The following ROR1 variants were observed in gnomAD, a reference collection of about 807,000 sequenced individuals.
The protein encoded by ROR1 is inactive tyrosine-protein kinase transmembrane receptor ROR1.
ROR1 carries 19 observed loss-of-function variants against 78.8 expected under a neutral mutation model. The ratio of observed to expected loss-of-function variants is 0.24; its 90% CI spans 0.17 to 0.35. The LOEUF (loss-of-function observed/expected upper bound fraction) is 0.35. Ranked by LOEUF, ROR1 falls within the 10% of genes least tolerant of loss-of-function variation. The pLI, the probability that ROR1 is intolerant of heterozygous loss-of-function variation, is 1.00. For synonymous variants in ROR1, 386 were observed against 433.6 expected, an observed-to-expected ratio of 0.89 and a Z score of 1.36; for missense variants, 917 against 1,177.8, an observed-to-expected ratio of 0.78 and a Z score of 3.24.
intron 2 of ROR1, among the ~76,000 whole-genome samples, chr1:64,024,010 C>T (rs768286219): frequency 2.0e-5 from 3 of 152,192 alleles, no homozygotes; most frequent in Non-Finnish European, 2.9e-5. Flanking sequence ...CAGTTCCTCT[C>T]TCTCTTTCTC....
At chr1:64,096,668 A>G (rs184203981) in intron 4 of ROR1, among the ~76,000 whole-genome samples, 86 of 152,204 alleles carry the variant, frequency 5.7e-4, no homozygotes, top group African/African-American at 1.9e-3. Flanking sequence ...GGTTGATTCC[A>G]TGACTTTGCT....
intron 6 of ROR1, among the ~76,000 whole-genome samples, chr1:64,140,817 C>T (rs1046570269): frequency 2.6e-5 from 4 of 152,046 alleles, no homozygotes; most frequent in East Asian, 3.9e-4. Context: ...AGTAGAGGAG[C>T]GGTTAAACAA....
At chr1:64,062,104 C>T (rs559908069) in intron 4 of ROR1, among the ~76,000 whole-genome samples, 29 of 152,252 alleles carry the variant, frequency 1.9e-4, no homozygotes, top group African/African-American at 2.2e-4. Flanking sequence ...GAAGTTACTG[C>T]TCCTTTTGCT....
chr1:63,951,624 A>G lies in ROR1; in HGVS notation c.92-57681A>G, dbSNP rs530661759. ...GATTTCCCAGGGAGCCATGAAGATG[A>G]CGTTCTGGGCTCCACCCTTTATGCC... On this transcript the variant is annotated intron_variant, in intron 1 of 8. Coordinates refer to ENST00000371079, the MANE Select transcript of ROR1 (RefSeq NM_005012.4). Among the ~76,000 whole-genome samples, 3 of 152,222 alleles carry G rather than the reference A, an allele frequency of 2.0e-5. No individual in the cohort carries two copies. In the East Asian group the frequency reaches 5.8e-4, roughly 29 times the overall value.
At chr1:64,097,445 G>A (rs1449101066) in intron 4 of ROR1, among the ~76,000 whole-genome samples, 1 of 152,000 alleles carries the variant, frequency 6.6e-6, no homozygotes, top group Non-Finnish European at 1.5e-5. Flanking sequence ...ATTCCCACTT[G>A]CCATGTAACA....
intron 4 of ROR1, among the ~76,000 whole-genome samples, chr1:64,076,034 C>G (rs1647047934): frequency 6.6e-6 from 1 of 152,206 alleles, no homozygotes; most frequent in African/African-American, 2.4e-5. Flanking sequence ...TGTGGGTCTT[C>G]CTGTCAGCTC....
chr1:64,105,084 T>A (rs748212857), intron 4 of ROR1, among the ~76,000 whole-genome samples: 1 of 152,244 alleles, frequency 6.6e-6, no homozygotes, highest in African/African-American at 2.4e-5. Context: ...ATTAACAGTA[T>A]AAAAGTGTTC....
intron 1 of ROR1, among the ~76,000 whole-genome samples, chr1:63,914,971 A>G (rs1279751309): frequency 6.6e-6 from 1 of 152,136 alleles, no homozygotes; most frequent in Non-Finnish European, 1.5e-5. Flanking sequence ...ATATGTGTGA[A>G]AGTCAGTGGT....
intron 1 of ROR1, among the ~76,000 whole-genome samples, chr1:63,980,924 C>T (rs1436804688): frequency 6.6e-6 from 1 of 152,218 alleles, no homozygotes; most frequent in East Asian, 1.9e-4. Context: ...GGAGACAGCA[C>T]AGACGGAAAA....
At chr1:63,873,717 T>C (rs1293155098) in intron 1 of ROR1, among the ~76,000 whole-genome samples, 2 of 150,812 alleles carry the variant, frequency 1.3e-5, no homozygotes, top group East Asian at 3.9e-4. Flanking sequence ...TTCCAAGTAA[T>C]ACATGGTTCA....
chr1:64,170,465 T>C (rs12068068), intron 8 of ROR1, among the ~76,000 whole-genome samples: 1 of 151,822 alleles, frequency 6.6e-6, no homozygotes, highest in Non-Finnish European at 1.5e-5. Context: ...GGGACCCTGG[T>C]CCCAGCCCAC....
chr1:63,963,811 C>T (rs542907101), intron 1 of ROR1, among the ~76,000 whole-genome samples: 35 of 152,156 alleles, frequency 2.3e-4, no homozygotes, highest in East Asian at 9.7e-4. Flanking sequence ...AGCCCCTCCC[C>T]GCTGCTCTCC....
At position 64,022,141 on chromosome 1, in the gene ROR1, C is replaced by A. The variant is rs1452521475; in HGVS notation, c.163+12765C>A. ...ACTATGCTGAGTGAAAGAAGCCAGA[C>A]CTAAAAGGTCACGTGTATGATTTCA... On this transcript the variant is annotated intron_variant, in intron 2 of 8. Transcript: ENST00000371079. 2.6e-5 allele frequency among the ~76,000 whole-genome samples: 4 copies of A among 152,266 alleles called. No homozygotes were observed. The East Asian group carries it at 7.7e-4, about 29-fold the overall frequency.
intron 1 of ROR1, among the ~76,000 whole-genome samples, chr1:63,862,849 G>T (rs1377167764): frequency 6.6e-6 from 1 of 152,178 alleles, no homozygotes; most frequent in African/African-American, 2.4e-5. Flanking sequence ...AGGATTAAGT[G>T]ATAATGTACA....
rs564165192 is a variant in ROR1, at chr1:64,023,928, G to T, written c.163+14552G>T. On this transcript the variant is annotated intron_variant, in intron 2 of 8. Transcript: ENST00000371079. ...GGTAGGAGGTGATTGGATCATGGGC[G>T]CGGTTTTCCCCATGCTGTTCTTGTG... Among the ~76,000 whole-genome samples, 7 of 152,234 alleles carry T rather than the reference G, an allele frequency of 4.6e-5. No homozygotes were observed. The East Asian group carries it at 1.2e-3, about 25-fold the overall frequency.
chr1:63,780,460 A>G (rs563606584), intron 1 of ROR1, among the ~76,000 whole-genome samples: 39 of 152,318 alleles, frequency 2.6e-4, no homozygotes, highest in African/African-American at 8.7e-4. Context: ...TTGTGAGAAT[A>G]AAAGGATGTT....
intron 1 of ROR1, among the ~76,000 whole-genome samples, chr1:63,801,133 ATGT>A (rs1553132851): frequency 1.3e-5 from 2 of 152,082 alleles, no homozygotes; most frequent in Non-Finnish European, 2.9e-5. Flanking sequence ...TATGATTACA[ATGT>A]TGTAATTTTG....
intron 1 of ROR1, among the ~76,000 whole-genome samples, chr1:63,903,933 T>C (rs2100406982): frequency 6.6e-6 from 1 of 151,966 alleles, no homozygotes; most frequent in East Asian, 1.9e-4. Context: ...AACCAAACAA[T>C]ACAAGGGAGA....
At chr1:63,956,730 A>G (rs1037642470) in intron 1 of ROR1, among the ~76,000 whole-genome samples, 16 of 152,214 alleles carry the variant, frequency 1.1e-4, no homozygotes, top group African/African-American at 3.9e-4. Context: ...ATATTTTGAA[A>G]GCAATAGATG....
Sources: allele counts gnomAD v4.1 joint callset (sites outside exome capture counted in the v4.1 genomes callset), GRCh38; gene constraint gnomAD v4.1.1; transcripts MANE v1.5; gene names NCBI Gene and HGNC (gene_info 2026-07-23, HGNC 2026-07-21).